NLRP2: variants seen among roughly 807,000 people sequenced by gnomAD.
The protein encoded by NLRP2 is NACHT, LRR and PYD domains-containing protein 2.
Under a neutral mutation model 97.2 loss-of-function variants are expected in NLRP2, and 107 were observed. That is an observed-to-expected ratio of 1.10 (90% CI 0.94 to 1.29). The LOEUF is 1.29. Among genes scored for constraint, NLRP2 ranks in the 50% most tolerant of loss-of-function variants. The pLI is 0.00. For missense variants in NLRP2, 1,495 were observed against 1,330.3 expected (o/e 1.12, Z -1.93); for synonymous variants, 663 against 551.5 (o/e 1.20, Z -2.83).
At chr19:54,965,586 G>C (rs1384482163), upstream of NLRP2, among the ~76,000 whole-genome samples, 1 of 61,676 alleles carries the variant, frequency 1.6e-5, no homozygotes, top group Admixed American at 1.6e-4. Flanking sequence ...CTCCCGAGTA[G>C]CTGGGACTAC....
intron 8 of NLRP2, chr19:54,989,545 C>A (rs767427857): frequency 1.2e-5 from 3 of 240,150 alleles, no homozygotes; most frequent in Non-Finnish European, 2.5e-5. Flanking sequence ...TGACTAAGTT[C>A]TGTATTTCCA....
chr19:54,979,434 C>T (rs768541346), intron 4 of NLRP2, among the ~76,000 whole-genome samples: 3 of 150,224 alleles, frequency 2.0e-5, no homozygotes, highest in Non-Finnish European at 4.5e-5. Context: ...CCTCCACCTC[C>T]CAGGTTCAAG....
chr19:54,979,798 A>T (rs2071458877), intron 4 of NLRP2, among the ~76,000 whole-genome samples: 1 of 151,792 alleles, frequency 6.6e-6, no homozygotes, highest in African/African-American at 2.4e-5. Flanking sequence ...TTTTCTTGAG[A>T]TGGAGTCTCA....
chr19:54,969,477 C>CAAAAA (rs757668995), intron 1 of NLRP2, among the ~76,000 whole-genome samples: 1 of 94,636 alleles, frequency 1.1e-5, no homozygotes, highest in Non-Finnish European at 2.2e-5. Context: ...GACTCCGTCT[C>CAAAAA]AAAAAAAAAA....
intron 3 of NLRP2, among the ~76,000 whole-genome samples, chr19:54,975,929 T>C (rs1053546544): frequency 1.3e-5 from 2 of 151,974 alleles, no homozygotes; most frequent in Non-Finnish European, 2.9e-5. Context: ...ATTTGTATTT[T>C]TGGTAGGGAC....
chr19:54,982,316 A>T lies in NLRP2; in HGVS notation c.618A>T (p.Ser206=). Residue 206 remains serine (S), a synonymous_variant, in exon 6 of 13, where the codon TCA becomes TCT. Coordinates refer to ENST00000448584, the MANE Select transcript of NLRP2 (RefSeq NM_017852.5). ...SNPRVLPGPF[S]YTVVLYGPAG... The stretch of plus-strand genomic sequence containing the variant: ...CCAGGGTGCTTCCCGGGCCCTTCTC[A>T]TACACGGTGGTGCTGTATGGTCCTG... 3 of 1,614,050 alleles carry T rather than the reference A, an allele frequency of 1.9e-6. No individual in the cohort carries two copies. Among genetic ancestry groups the T allele is most frequent in the Non-Finnish European group, 2.5e-6 (3 of 1,179,986 alleles).
At chr19:54,981,888 C>T (rs547569807) in intron 5 of NLRP2, among the ~76,000 whole-genome samples, 3 of 152,188 alleles carry the variant, frequency 2.0e-5, no homozygotes, top group African/African-American at 4.8e-5. Flanking sequence ...AAGCAATTCT[C>T]CTGCCTCAGC....
rs747086439 is a variant in NLRP2 at position 54,986,209 on chromosome 19, C to T, written c.2260C>T (p.His754Tyr). Reference sequence around the variant, plus strand: ...GAACCTCTGCCTAGCTCTTCGAGGTCACAAGACTGTAACGTATCTGACCCT... The same window carrying T: ...GAACCTCTGCCTAGCTCTTCGAGGTTACAAGACTGTAACGTATCTGACCCT... The part of the protein sequence containing the change: ...HRNLCLALRG[H>Y]KTVTYLTLQG... The change falls in exon 8 of 13, where the codon CAC (histidine) becomes TAC (tyrosine). Residue 754 changes from histidine to tyrosine, a missense_variant. Transcript: ENST00000448584. 1.2e-6 allele frequency: 2 copies of T among 1,613,296 alleles called. No individual in the cohort carries two copies. The highest frequency in any genetic ancestry group is 1.7e-6 in the Non-Finnish European group (2 of 1,179,264).
chr19:54,983,344 A>ACCT lies in NLRP2; in HGVS notation c.1647_1649dup (p.Leu550dup). 6.2e-7 allele frequency: 1 copy of ACCT among 1,614,160 alleles called. No homozygotes were observed. Among genetic ancestry groups the ACCT allele is most frequent in the Non-Finnish European group, 8.5e-7 (1 of 1,180,030 alleles). ...GGAGTAGAAAGACTCAGGAACCCCG[A>ACCT]CCTGATCCAAGCAGGCTACTACTCC... On this transcript the variant is annotated inframe_insertion, in exon 6 of 13. Coordinates refer to ENST00000448584, the MANE Select transcript of NLRP2 (RefSeq NM_017852.5).
In NLRP2 at chr19:54,983,826, TC is replaced by T. The variant is rs1160472965; in HGVS notation, c.2030+99del. The T allele has an allele frequency of 2.0e-6, 3 of 1,479,920 alleles. No homozygotes were observed. The African/African-American group carries it at 4.1e-5, about 20-fold the overall frequency. 91.7% of individuals were successfully genotyped at this position (1,479,920 alleles called of 1,614,324 possible). On this transcript the variant is annotated intron_variant, in intron 6 of 12. Coordinates refer to ENST00000448584, the MANE Select transcript of NLRP2 (RefSeq NM_017852.5). Reference sequence around the variant, plus strand: ...GCCTCCTATGCACTGTGGCTTAGGGTCAGGAATTCCCTCTTGTTGGACTCTT... The same window carrying T: ...GCCTCCTATGCACTGTGGCTTAGGGTAGGAATTCCCTCTTGTTGGACTCTT...
intron 3 of NLRP2, among the ~76,000 whole-genome samples, chr19:54,975,101 GTTTTGTTTTTTTTTTTT>G (rs2071117852): frequency 2.4e-5 from 2 of 83,086 alleles, no homozygotes; most frequent in Admixed American, 3.2e-4. Context: ...ACCACACCCG[GTTTTGTTTTTTTTTTTT>G]TTTTTTTTTT....
At chr19:54,989,680 GA>G in intron 8 of NLRP2, 1 of 414,432 alleles carries the variant, frequency 2.4e-6, no homozygotes, top group Non-Finnish European at 4.5e-6. Flanking sequence ...TCCACGGTTA[GA>G]TTCTCAAGAA....
chr19:54,976,847 G>GTTTTT, intron 3 of NLRP2: 2 of 285,770 alleles, frequency 7.0e-6, no homozygotes, highest in Non-Finnish European at 1.3e-5. Context: ...AGTCTCGCTT[G>GTTTTT]CTCTTTTGCC....
intron 11 of NLRP2, among the ~76,000 whole-genome samples, chr19:54,996,151 G>A (rs1420322778): frequency 6.6e-6 from 1 of 151,908 alleles, no homozygotes; most frequent in African/African-American, 2.4e-5. Flanking sequence ...AGGCTGCAGT[G>A]AGCCAAGATG....
chr19:54,994,000 T>G (rs2072654772), intron 10 of NLRP2: 1 of 554,198 alleles, frequency 1.8e-6, no homozygotes, highest in African/African-American at 1.9e-5. Context: ...CTGTGATTGC[T>G]GGACCTACCC....
At chr19:54,986,405 C>G (rs138799289) in intron 8 of NLRP2, 90 bp downstream of exon 8, 2 of 1,236,202 alleles carry the variant, frequency 1.6e-6, no homozygotes, top group Non-Finnish European at 1.2e-6. Flanking sequence ...AGAAAAAGTT[C>G]GTTATTCTGA....
At position 55,000,270 on chromosome 19, in the gene NLRP2, CTTTTTTTTTTTTTTTTTT is replaced by C. The variant is rs1157138794; in HGVS notation, c.3051-468_3051-451del. Among the ~76,000 whole-genome samples the C allele has an allele frequency of 3.9e-3, 142 of 36,018 alleles. 1 individual carries two copies. Among genetic ancestry groups the C allele is most frequent in the African/African-American group, 0.011 (98 of 9,044 alleles). The allele number at this position is 36,018 out of a possible 152,430, so 23.6% of individuals were successfully genotyped here. Reference sequence around the variant, plus strand: ...CCAGCTTGGGCAACAGAGAGACTGTCTTTTTTTTTTTTTTTTTTTTTTTTTTTTTTTTTTTTTTTGAGA... The same window carrying C: ...CCAGCTTGGGCAACAGAGAGACTGTCTTTTTTTTTTTTTTTTTTTTTGAGA... On this transcript the variant is annotated intron_variant, in intron 12 of 12. Coordinates refer to ENST00000448584, the MANE Select transcript of NLRP2 (RefSeq NM_017852.5).
chr19:54,989,782 G>T (rs1032150973), intron 8 of NLRP2: 6 of 578,202 alleles, frequency 1.0e-5, no homozygotes, highest in African/African-American at 1.9e-5. Flanking sequence ...TTGGGAGTTT[G>T]AGACCAGCCT....
At chr19:54,990,239 C>CCA in intron 9 of NLRP2, 47 bp downstream of exon 9, 1 of 1,584,672 alleles carries the variant, frequency 6.3e-7, no homozygotes, top group Non-Finnish European at 8.7e-7. Context: ...CGATCTGGGG[C>CCA]CACAGACGAG....
Sources: allele counts gnomAD v4.1 joint callset (sites outside exome capture counted in the v4.1 genomes callset), GRCh38; gene constraint gnomAD v4.1.1; transcripts MANE v1.5; gene names NCBI Gene and HGNC (gene_info 2026-07-23, HGNC 2026-07-21).